CNTNAP2: variants seen among roughly 807,000 people sequenced by gnomAD.
CNTNAP2 encodes the protein contactin-associated protein-like 2.
A neutral mutation model predicts 155.2 loss-of-function variants in CNTNAP2; 98 were observed. That is an observed-to-expected ratio of 0.63 (90% CI 0.54 to 0.75). The LOEUF is 0.75. Ranked by LOEUF, CNTNAP2 falls within the 30% of genes least tolerant of loss-of-function variation. The probability of loss-of-function intolerance (pLI) is 0.00; values close to 1 mark genes in which losing one functional copy is unlikely to be tolerated. For synonymous variants in CNTNAP2, 651 were observed against 631.2 expected (o/e 1.03, Z -0.47); for missense variants, 1,727 against 1,688.1 (o/e 1.02, Z -0.40).
chr7:148,029,743 T>C (rs779210594), intron 15 of CNTNAP2, among the ~76,000 whole-genome samples: 1 of 152,192 alleles, frequency 6.6e-6, no homozygotes, highest in Non-Finnish European at 1.5e-5. Context: ...CCACCACATA[T>C]AAATTTGTAG....
rs138432465 is a variant in CNTNAP2 at position 147,208,753 on chromosome 7, C to G, written c.1348+76244C>G. On this transcript the variant is annotated intron_variant, in intron 8 of 23. Transcript: ENST00000361727. ...TGTGTATGATTATGAAGGGCATAAT[C>G]AATGTAATTCAAAAAACAATAATGT... is the stretch of plus-strand genomic sequence containing the variant. 4.8e-3 allele frequency among the ~76,000 whole-genome samples: 724 copies of G among 151,716 alleles called. 5 individuals carry two copies. Among genetic ancestry groups the G allele is most frequent in the Non-Finnish European group, 4.8e-3 (326 of 67,814 alleles).
At chr7:146,322,443 A>G (rs1801020664) in intron 1 of CNTNAP2, among the ~76,000 whole-genome samples, 1 of 152,078 alleles carries the variant, frequency 6.6e-6, no homozygotes, top group Non-Finnish European at 1.5e-5. Flanking sequence ...CTGGAAACGT[A>G]GCAGTTATCT....
intron 15 of CNTNAP2, among the ~76,000 whole-genome samples, chr7:148,061,560 G>C (rs1349347560): frequency 6.6e-6 from 1 of 151,752 alleles, no homozygotes; most frequent in South Asian, 2.1e-4. Context: ...TCACCATGTC[G>C]GCCAGGCCTA....
rs72157861 is a variant in CNTNAP2 at position 148,324,794 on chromosome 7, C to CAA, written c.3475+57680_3475+57681dup. ...TGGGTGACAGAGTAAGACTCCATCT[C>CAA]AAAAAAAAAAAAAGAGTAGGGATTT... On this transcript the variant is annotated intron_variant, in intron 21 of 23. Coordinates refer to ENST00000361727, the MANE Select transcript of CNTNAP2 (RefSeq NM_014141.6). 5.6e-4 allele frequency among the ~76,000 whole-genome samples: 59 copies of CAA among 105,818 alleles called. 1 individual carries two copies. Among genetic ancestry groups the CAA allele is most frequent in the Admixed American group, 3.0e-3 (27 of 9,140 alleles). The allele number at this position is 105,818 out of a possible 152,430, so 69.4% of individuals were successfully genotyped here.
chr7:146,508,826 C>A (rs757227591), intron 1 of CNTNAP2, among the ~76,000 whole-genome samples: 20 of 152,304 alleles, frequency 1.3e-4, no homozygotes, highest in Non-Finnish European at 2.6e-4. Context: ...TGGGTTGCCT[C>A]TCAGTTTTCT....
At chr7:146,309,175 G>T (rs905665750) in intron 1 of CNTNAP2, among the ~76,000 whole-genome samples, 1 of 152,098 alleles carries the variant, frequency 6.6e-6, no homozygotes, top group African/African-American at 2.4e-5. Flanking sequence ...TGTTTCCATT[G>T]ACCATTGATA....
At chr7:146,226,669 G>GAAACA (rs1174122920) in intron 1 of CNTNAP2, among the ~76,000 whole-genome samples, 141 of 151,994 alleles carry the variant, frequency 9.3e-4, no homozygotes, top group East Asian at 6.2e-3. Flanking sequence ...CTTTGCATCA[G>GAAACA]AAACAAAACA....
At chr7:146,399,436 G>A (rs531784262) in intron 1 of CNTNAP2, among the ~76,000 whole-genome samples, 2 of 152,004 alleles carry the variant, frequency 1.3e-5, no homozygotes, top group African/African-American at 4.8e-5. Flanking sequence ...TTGTCTTTCT[G>A]TGCCGGACTT....
At chr7:147,572,085 A>G (rs1027974880) in intron 12 of CNTNAP2, among the ~76,000 whole-genome samples, 35 of 152,206 alleles carry the variant, frequency 2.3e-4, no homozygotes, top group Admixed American at 4.6e-4. Context: ...TACAGCTTCA[A>G]TTGAAAATCT....
rs571181144 is a variant in CNTNAP2, at chr7:147,213,493, A to G, written c.1348+80984A>G. Reference sequence around the variant, plus strand: ...AAATCATGTTAGTATTATTGCAAAGATATCCACAATGCATTTTTCTCACAA... The same window carrying G: ...AAATCATGTTAGTATTATTGCAAAGGTATCCACAATGCATTTTTCTCACAA... On this transcript the variant is annotated intron_variant, in intron 8 of 23. Coordinates refer to ENST00000361727, the MANE Select transcript of CNTNAP2 (RefSeq NM_014141.6). Among the ~76,000 whole-genome samples, 69 of 152,176 alleles carry G rather than the reference A, an allele frequency of 4.5e-4. 1 individual carries two copies. Among genetic ancestry groups the G allele is most frequent in the Non-Finnish European group, 7.5e-4 (51 of 68,006 alleles).
intron 11 of CNTNAP2, among the ~76,000 whole-genome samples, chr7:147,490,353 G>A (rs1798584776): frequency 6.6e-6 from 1 of 152,110 alleles, no homozygotes. Flanking sequence ...AATGTAAACG[G>A]TAACAATTGT....
chr7:147,170,248 G>A (rs1008813723), intron 8 of CNTNAP2, among the ~76,000 whole-genome samples: 5 of 152,110 alleles, frequency 3.3e-5, no homozygotes, highest in African/African-American at 9.7e-5. Context: ...GGTGCAATCC[G>A]TAGATGGTGC....
At chr7:146,592,651 G>A (rs576403054) in intron 1 of CNTNAP2, among the ~76,000 whole-genome samples, 19 of 152,098 alleles carry the variant, frequency 1.2e-4, no homozygotes, top group Admixed American at 7.9e-4. Flanking sequence ...TCAACCTCAA[G>A]TTCAAAAAAA....
At chr7:148,157,949 A>G (rs552370361) in intron 17 of CNTNAP2, among the ~76,000 whole-genome samples, 115 of 152,280 alleles carry the variant, frequency 7.6e-4, no homozygotes, top group African/African-American at 2.4e-3. Context: ...CTTCTCCTTC[A>G]CAGTTGTTCA....
intron 13 of CNTNAP2, among the ~76,000 whole-genome samples, chr7:147,731,118 T>G (rs1019399416): frequency 6.6e-6 from 1 of 152,136 alleles, no homozygotes; most frequent in Non-Finnish European, 1.5e-5. Flanking sequence ...AAACAGCAAA[T>G]GCTGATGTAG....
At chr7:146,955,356 C>T (rs1797410707) in intron 3 of CNTNAP2, among the ~76,000 whole-genome samples, 1 of 151,886 alleles carries the variant, frequency 6.6e-6, no homozygotes, top group Admixed American at 6.6e-5. Context: ...GCTGTTTATA[C>T]TTTTCCTAGC....
chr7:146,702,577 G>A (rs1206785066), intron 1 of CNTNAP2, among the ~76,000 whole-genome samples: 2 of 152,076 alleles, frequency 1.3e-5, no homozygotes, highest in South Asian at 2.1e-4. Flanking sequence ...TGTGGCCAAT[G>A]TAAGATATAA....
intron 10 of CNTNAP2, among the ~76,000 whole-genome samples, chr7:147,450,287 TCTAGGAGAGAAAGTGGCC>T (rs1797809303): frequency 1.3e-5 from 2 of 152,200 alleles, no homozygotes; most frequent in Non-Finnish European, 2.9e-5. Context: ...ATGAGGAGCC[TCTAGGAGAGAAAGTGGCC>T]CTGTCTGGCT....
At chr7:146,847,944 G>C (rs763327264) in intron 3 of CNTNAP2, among the ~76,000 whole-genome samples, 1 of 152,088 alleles carries the variant, frequency 6.6e-6, no homozygotes, top group Admixed American at 6.6e-5. Context: ...CGTTAACTTC[G>C]GAAAGAAATA....
Sources: gnomAD v4.1 joint callset for allele counts (sites outside exome capture counted in the v4.1 genomes callset) on GRCh38, gnomAD v4.1.1 for gene constraint, MANE v1.5 for transcripts, NCBI Gene and HGNC (gene_info 2026-07-23, HGNC 2026-07-21) for gene names.